The following HLTF variants were observed in gnomAD, a reference collection of about 807,000 sequenced individuals.
HLTF encodes DNA-dependent ATPase/E3 ubiquitin-protein ligase HLTF.
Under a neutral mutation model 129.4 loss-of-function variants are expected in HLTF, and 127 were observed. The ratio of observed to expected loss-of-function variants is 0.98; its 90% CI spans 0.85 to 1.14. HLTF has a LOEUF of 1.14. Ranked by LOEUF, HLTF falls within the 50% of genes most tolerant of loss-of-function variation. The pLI is 0.00. For synonymous variants in HLTF, 332 were observed against 388.8 expected, an observed-to-expected ratio of 0.85 and a Z score of 1.72; for missense variants, 1,139 against 1,187.1, an observed-to-expected ratio of 0.96 and a Z score of 0.60.
At chr3:149,066,671 A>T (rs1055874409) in intron 8 of HLTF, among the ~76,000 whole-genome samples, 4 of 152,180 alleles carry the variant, frequency 2.6e-5, no homozygotes, top group African/African-American at 9.6e-5. Context: ...GGGAAAAATA[A>T]GAGAAATCCT....
At chr3:149,073,571 G>A (rs1485762738) in intron 4 of HLTF, among the ~76,000 whole-genome samples, 1 of 152,120 alleles carries the variant, frequency 6.6e-6, no homozygotes, top group African/African-American at 2.4e-5. Flanking sequence ...GTGTGCGCCT[G>A]TAGTCCCAGC....
chr3:149,064,488 G>A (rs1718192651), intron 9 of HLTF, among the ~76,000 whole-genome samples: 1 of 152,020 alleles, frequency 6.6e-6, no homozygotes, highest in Admixed American at 6.6e-5. Flanking sequence ...ATTCACTGAG[G>A]TCCCAGAATA....
chr3:149,046,174 C>T lies in HLTF; in HGVS notation c.1978G>A (p.Glu660Lys). 6.2e-7 allele frequency: 1 copy of T among 1,607,252 alleles called. No individual in the cohort carries two copies. The highest frequency in any genetic ancestry group is 8.5e-7 in the Non-Finnish European group (1 of 1,174,808). Residue 660 changes from glutamate to lysine, a missense_variant, in exon 18 of 25, where the codon GAA becomes AAA. Transcript: ENST00000310053. ...IKGKPVLELP[E>K]RKVFIQHITL... The stretch of plus-strand genomic sequence containing the variant: ...ATGTGCTGAATAAATACTTTACGTT[C>T]TGGTAACTCCAAAACAGGTTTTCCT...
At chr3:149,051,215 G>T (rs1391972738) in intron 14 of HLTF, among the ~76,000 whole-genome samples, 5 of 148,912 alleles carry the variant, frequency 3.4e-5, no homozygotes, top group African/African-American at 1.2e-4. Context: ...AGAATTGTGT[G>T]ATAAAAATAT....
chr3:149,060,666 G>T lies in HLTF; in HGVS notation c.1262C>A (p.Ser421Tyr). 6.2e-7 allele frequency: 1 copy of T among 1,613,014 alleles called. No homozygotes were observed. The highest frequency in any genetic ancestry group is 1.1e-5 in the South Asian group (1 of 91,040). Residue 421 changes from serine (S) to tyrosine (Y), a missense_variant, in exon 12 of 25, where the codon TCT (serine) becomes TAT (tyrosine). Coordinates refer to ENST00000310053, the MANE Select transcript of HLTF (RefSeq NM_003071.4). ...ACCTTTCGCCCTGCCTTTAGTTTCA[G>T]ACTGTACATTTTTCAGTTTGCCTAA... ...KMKGKLKNVQ[S>Y]ETKGRAKAGS...
In HLTF at chr3:149,067,390, A is replaced by G. The variant is rs377123730; in HGVS notation, c.990+850T>C. ...CATTTTTTAACTAAAAAGAATCATG[A>G]AAGTGATTATTCATCAAAAATAATA... is the stretch of plus-strand genomic sequence containing the variant. On this transcript the variant is annotated intron_variant, in intron 8 of 24. Coordinates refer to ENST00000310053, the MANE Select transcript of HLTF (RefSeq NM_003071.4). Among the ~76,000 whole-genome samples the G allele has an allele frequency of 4.6e-5, 7 of 152,362 alleles. No individual in the cohort carries two copies. In the East Asian group the frequency reaches 1.2e-3, roughly 25 times the overall value.
At chr3:149,045,337 C>T (rs1420616073) in intron 18 of HLTF, among the ~76,000 whole-genome samples, 1 of 152,130 alleles carries the variant, frequency 6.6e-6, no homozygotes, top group African/African-American at 2.4e-5. Context: ...CATCCCCTTT[C>T]GTTGCTTTAT....
chr3:149,035,176 T>C (rs1466064251), intron 23 of HLTF, among the ~76,000 whole-genome samples, 178 bp from the exon 24 acceptor site: 1 of 152,198 alleles, frequency 6.6e-6, no homozygotes, highest in Non-Finnish European at 1.5e-5. Flanking sequence ...ATCACTATGA[T>C]GATAGGCATC....
intron 8 of HLTF, among the ~76,000 whole-genome samples, chr3:149,065,396 C>T (rs1718279189): frequency 6.6e-6 from 1 of 152,174 alleles, no homozygotes; most frequent in East Asian, 1.9e-4. Context: ...TCCAATGTAC[C>T]TTTGTTTCCA....
chr3:149,042,585 C>A (rs1465694707), intron 18 of HLTF, among the ~76,000 whole-genome samples: 1 of 151,944 alleles, frequency 6.6e-6, no homozygotes, highest in Non-Finnish European at 1.5e-5. Flanking sequence ...GGATGGCATG[C>A]CCTGAGGGGA....
Position 149,063,435 on chromosome 3 carries a change from T to C in HLTF, c.1156A>G (p.Lys386Glu). ...RMSELSSSRP[K>E]RRKTAVQYIE... is the part of the protein sequence containing the mutation. ...AATCAAACCATAATAGTTTACCTTT[T>C]GGGGCGGGAGCTAGACAATTCTGAC... The change falls in exon 10 of 25, where the codon AAA becomes GAA. Residue 386 changes from lysine to glutamate, a missense_variant. Coordinates refer to ENST00000310053, the MANE Select transcript of HLTF (RefSeq NM_003071.4). 1 of 1,570,604 alleles carries C rather than the reference T, an allele frequency of 6.4e-7. No individual in the cohort carries two copies. Among genetic ancestry groups the C allele is most frequent in the East Asian group, 2.2e-5 (1 of 44,666 alleles).
At chr3:149,046,026 T>C in intron 18 of HLTF, 54 bp downstream of exon 18, 3 of 1,291,880 alleles carry the variant, frequency 2.3e-6, no homozygotes, top group Admixed American at 2.1e-5. Context: ...ATTCAGTGAA[T>C]GGGAAACAAA....
rs1715060386 is a variant in HLTF, at chr3:149,031,637, T to A, written c.*583A>T. 1 of 152,208 alleles carries A rather than the reference T, an allele frequency of 6.6e-6. No individual in the cohort carries two copies. Among genetic ancestry groups the A allele is most frequent in the African/African-American group, 2.4e-5 (1 of 41,440 alleles). The allele number at this position is 152,208 out of a possible 1,614,324, so 9.4% of individuals were successfully genotyped here. ...TTTTTCATGAACATAAAACTCCAAG[T>A]CATTTATGTGAACTATATCTCAATG... On this transcript the variant is annotated 3_prime_UTR_variant, in exon 25 of 25. Transcript: ENST00000310053.
rs756379202 is a variant in HLTF at position 149,039,670 on chromosome 3, C to T, written c.2526G>A (p.Leu842=). ...TGGGATTCTTCTTTCTTAAGTCAGT[C>T]AATGCGTGCATTAGCGCATTAATCT... ...SSKINALMHA[L]TDLRKKNPNI... Residue 842 remains leucine (L), a synonymous_variant, in exon 22 of 25, where the codon TTG becomes TTA. Coordinates refer to ENST00000310053, the MANE Select transcript of HLTF (RefSeq NM_003071.4). The T allele has an allele frequency of 1.2e-6, 2 of 1,603,258 alleles. No homozygotes were observed. Among genetic ancestry groups the T allele is most frequent in the South Asian group, 2.2e-5 (2 of 88,934 alleles).
rs1576579493 is a variant in HLTF at position 149,042,231 on chromosome 3, C to G, written c.2132G>C (p.Arg711Thr). The stretch of plus-strand genomic sequence containing the variant: ...AGTATGGCAACAAATTTGCCGCAGT[C>G]TAAGCAAAAGACCCAGGACATCTGC... The part of the protein sequence containing the change: ...HYADVLGLLL[R>T]LRQICCHTYL... The change falls in exon 19 of 25, where the codon AGA becomes ACA. Residue 711 changes from arginine to threonine, a missense_variant. Arg to Thr is a moderately conservative substitution (Grantham distance 71). Coordinates refer to ENST00000310053, the MANE Select transcript of HLTF (RefSeq NM_003071.4). 2.5e-6 allele frequency: 4 copies of G among 1,613,192 alleles called. No individual in the cohort carries two copies. The highest frequency in any genetic ancestry group is 2.5e-6 in the Non-Finnish European group (3 of 1,179,250).
chr3:149,084,631 G>T, intron 2 of HLTF, 51 bp downstream of exon 2: 1 of 1,305,344 alleles, frequency 7.7e-7, no homozygotes, highest in Non-Finnish European at 1.1e-6. Context: ...TTATTTTCTA[G>T]GTTAACGCCA....
chr3:149,050,888 T>C (rs1170262944), intron 14 of HLTF, among the ~76,000 whole-genome samples: 3 of 152,184 alleles, frequency 2.0e-5, no homozygotes, highest in Non-Finnish European at 4.4e-5. Context: ...CCTGACTTTC[T>C]TGAGGACATG....
At chr3:149,081,184 AAAAG>A (rs369746600) in intron 2 of HLTF, among the ~76,000 whole-genome samples, 24 of 152,128 alleles carry the variant, frequency 1.6e-4, no homozygotes, top group African/African-American at 5.1e-4. Flanking sequence ...TTAAAATAGA[AAAAG>A]AAATAAACCA....
At position 149,075,930 on chromosome 3, in the gene HLTF, C is replaced by T; in HGVS notation, c.346G>A (p.Ala116Thr). 1 of 1,608,542 alleles carries T rather than the reference C, an allele frequency of 6.2e-7. No individual in the cohort carries two copies. Among genetic ancestry groups the T allele is most frequent in the South Asian group, 1.1e-5 (1 of 90,752 alleles). The change falls in exon 3 of 25, where the codon GCA (alanine) becomes ACA (threonine). Residue 116 changes from alanine to threonine, a missense_variant. Transcript: ENST00000310053. The stretch of plus-strand genomic sequence containing the variant: ...TCCATGATATAGGCCAAAGCACCTG[C>T]AAGCTCTTTCTTTAAATGGCCAACT... ...NQVGHLKKEL[A>T]GALAYIMDNK... is the part of the protein sequence containing the mutation.
Sources: allele counts gnomAD v4.1 joint callset (sites outside exome capture counted in the v4.1 genomes callset), GRCh38; gene constraint gnomAD v4.1.1; transcripts MANE v1.5; gene names NCBI Gene and HGNC (gene_info 2026-07-23, HGNC 2026-07-21).